Variants in SNED1 observed in about 807,000 individuals in gnomAD.
SNED1 encodes sushi, nidogen and EGF-like domain-containing protein 1.
SNED1 carries 81 observed loss-of-function variants against 166.7 expected under a neutral mutation model. The ratio of observed to expected loss-of-function variants is 0.49; its 90% CI spans 0.41 to 0.58. The LOEUF is 0.58. Ranked by LOEUF, SNED1 falls within the 20% of genes least tolerant of loss-of-function variation. The pLI, the probability that SNED1 is intolerant of heterozygous loss-of-function variation, is 0.00. For synonymous variants in SNED1, 762 were observed against 822.0 expected (o/e 0.93, Z 1.25); for missense variants, 1,604 against 2,000.2 (o/e 0.80, Z 3.78).
intron 8 of SNED1, among the ~76,000 whole-genome samples, chr2:241,043,266 A>C (rs1249705409): frequency 1.3e-5 from 2 of 152,248 alleles, no homozygotes; most frequent in Non-Finnish European, 2.9e-5. Context: ...AAAAACAGCC[A>C]GAGGAAAAAG....
intron 8 of SNED1, chr2:241,040,832 A>G: frequency 4.2e-6 from 2 of 472,892 alleles, no homozygotes; most frequent in Non-Finnish European, 8.8e-6. Flanking sequence ...GGAATCAGAA[A>G]GAAAACTGAC....
rs755187252 is a variant in SNED1 at position 241,052,448 on chromosome 2, T to C, written c.2063T>C (p.Met688Thr). Residue 688 changes from methionine to threonine, a missense_variant, in exon 15 of 32, where the codon ATG becomes ACG. Met to Thr is a moderately conservative substitution (Grantham distance 81). This residue lies in a region of SNED1 where 1,237 missense variants were observed against 1,620.8 expected (regional missense o/e 0.76). Transcript: ENST00000310397. ...TTCTGCCACTGCCAAGCAGGGTACA[T>C]GGGACGCCGGTGCCAGGCAGGTGAG... is the stretch of plus-strand genomic sequence containing the variant. The part of the protein sequence containing the change: ...DFFCHCQAGY[M>T]GRRCQAEVDC... The C allele has an allele frequency of 3.7e-6, 6 of 1,610,052 alleles. No individual in the cohort carries two copies. The highest frequency in any genetic ancestry group is 1.3e-5 in the African/African-American group (1 of 74,798).
intron 7 of SNED1, 28 bp downstream of exon 7, chr2:241,040,216 G>T: frequency 1.3e-6 from 2 of 1,574,890 alleles, no homozygotes; most frequent in African/African-American, 1.3e-5. Flanking sequence ...GGATTGGAGA[G>T]GGGCTCCTGC....
At chr2:241,053,932 G>A (rs1259302580) in intron 16 of SNED1, among the ~76,000 whole-genome samples, 2 of 152,218 alleles carry the variant, frequency 1.3e-5, no homozygotes, top group African/African-American at 4.8e-5. Context: ...AAGTCTGTGT[G>A]ATGTGAGCTA....
chr2:241,089,634 C>T (rs1468105462), intron 31 of SNED1, among the ~76,000 whole-genome samples: 1 of 152,238 alleles, frequency 6.6e-6, no homozygotes, highest in East Asian at 1.9e-4. Flanking sequence ...GAGGGAATCA[C>T]TTCCCGCTCC....
In SNED1 at chr2:241,069,014, G is replaced by C; in HGVS notation, c.3298G>C (p.Val1100Leu). 4.5e-6 allele frequency: 7 copies of C among 1,550,010 alleles called. No individual in the cohort carries two copies. The highest frequency in any genetic ancestry group is 6.1e-6 in the Non-Finnish European group (7 of 1,146,484). Residue 1100 changes from valine (V) to leucine (L), a missense_variant, in exon 23 of 32, where the codon GTG becomes CTG. This residue lies in a region of SNED1 where 1,237 missense variants were observed against 1,620.8 expected (regional missense o/e 0.76). Transcript: ENST00000310397. This position sits in a 1 kb window ranked among gnomAD's most constrained non-coding sequence, Gnocchi z 4.9. ...GAGCCTGGCCACCGCGCCGACGCAC[G>C]TGTGGACCCGTGAGTAGAGCAGCGC... ...TESLATAPTH[V>L]WTRPLPPANL...
chr2:241,020,924 C>T (rs150851764), intron 1 of SNED1, among the ~76,000 whole-genome samples: 3 of 152,272 alleles, frequency 2.0e-5, no homozygotes, highest in East Asian at 1.9e-4. Context: ...CACCACAGGA[C>T]GGGAACATGC....
At chr2:241,006,697 TC>T (rs1461072182) in intron 1 of SNED1, among the ~76,000 whole-genome samples, 2 of 152,218 alleles carry the variant, frequency 1.3e-5, no homozygotes, top group African/African-American at 4.8e-5. Flanking sequence ...TCTACCTACA[TC>T]CACAGTTCCT....
chr2:241,071,970 AC>A, intron 26 of SNED1, 92 bp downstream of exon 26: 1 of 1,072,070 alleles, frequency 9.3e-7, no homozygotes, highest in Middle Eastern at 2.0e-4. Context: ...TGATGAGCCC[AC>A]CCCCACCGCC....
chr2:241,042,431 T>A (rs1196004029), intron 8 of SNED1, among the ~76,000 whole-genome samples: 1 of 152,088 alleles, frequency 6.6e-6, no homozygotes, highest in Non-Finnish European at 1.5e-5. Context: ...CAGAATAAAA[T>A]CCTATACTCC....
intron 29 of SNED1, among the ~76,000 whole-genome samples, chr2:241,082,662 G>A (rs1226704613): frequency 6.6e-6 from 1 of 152,212 alleles, no homozygotes; most frequent in Admixed American, 6.5e-5. Context: ...CCACTGGATG[G>A]CAGAGCCAAC....
chr2:241,062,987 CT>C, intron 17 of SNED1, 83 bp downstream of exon 17: 3 of 881,900 alleles, frequency 3.4e-6, no homozygotes, highest in South Asian at 1.7e-5. Flanking sequence ...CCGGACAGGT[CT>C]CTGTCTGGAT....
At chr2:241,085,856 G>GTTTCTTT (rs1559314453) in intron 29 of SNED1, among the ~76,000 whole-genome samples, 2 of 128,996 alleles carry the variant, frequency 1.6e-5, no homozygotes, top group African/African-American at 6.4e-5. Context: ...CCTTTCTGCG[G>GTTTCTTT]TTTCTTTTTT....
At position 241,049,027 on chromosome 2, in the gene SNED1, A is replaced by T. The variant is rs2061748236; in HGVS notation, c.1510A>T (p.Thr504Ser). Residue 504 changes from threonine (T) to serine (S), a missense_variant, in exon 11 of 32, where the codon ACA becomes TCA. Transcript: ENST00000310397. ...FFGLLCEFEI[T>S]AMPCNMNTQC... ...GCTTCCTCCTTTCTCTCTAGAAATCACAGCCATGCCCTGCAACATGAACAC... is the reference window on the plus strand; with the variant it reads ...GCTTCCTCCTTTCTCTCTAGAAATCTCAGCCATGCCCTGCAACATGAACAC... 1 of 1,611,662 alleles carries T rather than the reference A, an allele frequency of 6.2e-7. No homozygotes were observed. Among genetic ancestry groups the T allele is most frequent in the Admixed American group, 1.7e-5 (1 of 59,820 alleles).
chr2:241,033,897 T>C, intron 3 of SNED1, 22 bp downstream of exon 3: 1 of 1,577,688 alleles, frequency 6.3e-7, no homozygotes, highest in African/African-American at 1.3e-5. Flanking sequence ...CAGTCGGTGC[T>C]CTGTGTTCAG....
At chr2:241,039,836 A>G (rs2061473697) in intron 6 of SNED1, among the ~76,000 whole-genome samples, 1 of 151,998 alleles carries the variant, frequency 6.6e-6, no homozygotes, top group African/African-American at 2.4e-5. Context: ...ATACACACCC[A>G]TCCCTCCATC....
Position 240,998,949 on chromosome 2 carries a change from C to G in SNED1, c.112C>G (p.Arg38Gly), listed in dbSNP as rs2059995463. Residue 38 changes from arginine (R) to glycine (G), a missense_variant, in exon 1 of 32, where the codon CGC (arginine) becomes GGC (glycine). By Grantham distance (125) the Arg-to-Gly change is moderately radical. Transcript: ENST00000310397. The stretch of plus-strand genomic sequence containing the variant: ...CGACTTCTACCCGTTCGGCGCCGAG[C>G]GCGGCGACGCCGTCACCCCCAAGCA... ...LADFYPFGAERGDAVTPKQDD... is the reference protein window; with the variant it reads ...LADFYPFGAEGGDAVTPKQDD... The G allele has an allele frequency of 7.7e-6, 10 of 1,294,580 alleles. No homozygotes were observed. In the Admixed American group the frequency reaches 1.5e-4, roughly 20 times the overall value. The allele number at this position is 1,294,580 out of a possible 1,614,324, so 80.2% of individuals were successfully genotyped here.
At chr2:241,076,235 T>C (rs13411510) in intron 27 of SNED1, among the ~76,000 whole-genome samples, 43,680 of 152,100 alleles carry the variant, frequency 0.29, 8,161 homozygotes, top group East Asian at 0.51. Context: ...TTTGTGAAAA[T>C]TGACATCTTT....
chr2:241,006,591 G>T (rs2060227839), intron 1 of SNED1, among the ~76,000 whole-genome samples: 1 of 152,238 alleles, frequency 6.6e-6, no homozygotes, highest in Non-Finnish European at 1.5e-5. Flanking sequence ...CTTTGTGTTA[G>T]ATTTGACTTC....
Sources: gnomAD v4.1 joint callset for allele counts (sites outside exome capture counted in the v4.1 genomes callset) on GRCh38, gnomAD v4.1.1 for gene constraint, gnomAD v4.1.1 regional missense constraint, Gnocchi (gnomAD v3.1) non-coding constraint, MANE v1.5 for transcripts, NCBI Gene and HGNC (gene_info 2026-07-23, HGNC 2026-07-21) for gene names.